CTNND1: variants seen among roughly 807,000 people sequenced by gnomAD.
The protein encoded by CTNND1 is catenin delta 1.
A neutral mutation model predicts 112.1 loss-of-function variants in CTNND1; 16 were observed. The ratio of observed to expected loss-of-function variants is 0.14; its 90% confidence interval spans 0.10 to 0.22. The LOEUF is 0.22. Among genes scored for constraint, CTNND1 ranks in the 10% least tolerant of loss-of-function variants. The probability of loss-of-function intolerance (pLI) is 1.00; values close to 1 mark genes in which losing one functional copy is unlikely to be tolerated. For synonymous variants in CTNND1, 420 were observed against 446.5 expected, an observed-to-expected ratio of 0.94 and a Z score of 0.75; for missense variants, 1,008 against 1,257.0, an observed-to-expected ratio of 0.80 and a Z score of 3.00.
chr11:57,766,718 A>G (rs12146692), intron 1 of CTNND1, among the ~76,000 whole-genome samples: 12,049 of 152,196 alleles, frequency 0.079, 735 homozygotes, highest in Non-Finnish European at 0.11. Flanking sequence ...TAGGGTATGG[A>G]TTGATTTGTA....
intron 3 of CTNND1, 136 bp downstream of exon 3, chr11:57,791,809 G>A (rs1242884672): frequency 4.1e-6 from 4 of 974,346 alleles, no homozygotes; most frequent in Non-Finnish European, 5.7e-6. Context: ...TTTTTTCCAG[G>A]GGTGTTAAAT....
chr11:57,767,941 C>A (rs1442368527), intron 1 of CTNND1, among the ~76,000 whole-genome samples: 1 of 150,906 alleles, frequency 6.6e-6, no homozygotes, highest in East Asian at 1.9e-4. Context: ...TCAAGCAATT[C>A]TCCTGCCTCA....
At chr11:57,798,773 T>C (rs2061662591) in intron 6 of CTNND1, among the ~76,000 whole-genome samples, 1 of 152,234 alleles carries the variant, frequency 6.6e-6, no homozygotes, top group African/African-American at 2.4e-5. Flanking sequence ...GTAGAACTAT[T>C]TTAGGCTTTG....
At chr11:57,781,668 C>T (rs185141323) in intron 1 of CTNND1, 1 of 151,190 alleles carries the variant, frequency 6.6e-6, no homozygotes, top group East Asian at 1.9e-4. Context: ...AGTCTCTTCT[C>T]AGGATTAGAG....
At chr11:57,815,532 A>G in intron 19 of CTNND1, 32 bp downstream of exon 19, 1 of 1,497,046 alleles carries the variant, frequency 6.7e-7, no homozygotes, top group South Asian at 1.1e-5. Context: ...CTATCTGTCT[A>G]AGGCTAGTTC....
rs767815678 is a variant in CTNND1, at chr11:57,791,512, A to G, written c.34A>G (p.Ile12Val). 4 of 1,588,594 alleles carry G rather than the reference A, an allele frequency of 2.5e-6. No homozygotes were observed. Among genetic ancestry groups the G allele is most frequent in the Non-Finnish European group, 3.4e-6 (4 of 1,167,788 alleles). The change falls in exon 3 of 21, where the codon ATC becomes GTC. Residue 12 changes from isoleucine to valine, a missense_variant. Physicochemically the swap from Ile to Val is conservative, Grantham distance 29 (BLOSUM62 3). Around this residue, in one of 5 missense-constraint regions of CTNND1, gnomAD observed 404 missense variants for 457.9 expected, o/e 0.88. Transcript: ENST00000399050. Reference protein sequence around the residue: ...DDSEVESTASILASVKEQEAQ... With the variant: ...DDSEVESTASVLASVKEQEAQ... Reference sequence around the variant, plus strand: ...CTCAGAGGTGGAGTCGACCGCCAGCATCTTGGCCTCTGTGAAGGAACAAGA... The same window carrying G: ...CTCAGAGGTGGAGTCGACCGCCAGCGTCTTGGCCTCTGTGAAGGAACAAGA...
chr11:57,810,244 A>G, intron 16 of CTNND1, 21 bp downstream of exon 16: 3 of 1,551,808 alleles, frequency 1.9e-6, no homozygotes, highest in South Asian at 1.2e-5. Context: ...TTTTGAGACC[A>G]AGACTTTTAC....
chr11:57,765,548 C>A (rs910763979), intron 1 of CTNND1, among the ~76,000 whole-genome samples: 1 of 148,370 alleles, frequency 6.7e-6, no homozygotes, highest in Non-Finnish European at 1.5e-5. Flanking sequence ...CTCACTGCAG[C>A]CTCAAACTCC....
intron 1 of CTNND1, among the ~76,000 whole-genome samples, chr11:57,768,191 T>C (rs1283181873): frequency 6.6e-6 from 1 of 151,934 alleles, no homozygotes; most frequent in African/African-American, 2.4e-5. Context: ...CATTACAGAA[T>C]ATATGGGCTT....
At position 57,815,499 on chromosome 11, in the gene CTNND1, T is replaced by A; in HGVS notation, c.2807T>A (p.Met936Lys). The part of the protein sequence containing the change: ...MEPLKGTTPL[M>K]QDEGQESLEE... ...CCATTGAAGGGAACAACACCCTTGA[T>A]GGTAAATTCTCTTTATATACTGCTA... is the stretch of plus-strand genomic sequence containing the variant. The change falls in exon 19 of 21, where the codon ATG becomes AAG. Residue 936 changes from methionine (M) to lysine (K), a missense_variant and splice_region_variant. By Grantham distance (95) the Met-to-Lys change is moderately conservative. Transcript: ENST00000399050. 2 of 1,605,444 alleles carry A rather than the reference T, an allele frequency of 1.2e-6. No homozygotes were observed. Among genetic ancestry groups the A allele is most frequent in the Non-Finnish European group, 1.7e-6 (2 of 1,173,156 alleles).
chr11:57,792,549 T>C (rs965144958), intron 3 of CTNND1, among the ~76,000 whole-genome samples: 3 of 152,278 alleles, frequency 2.0e-5, no homozygotes, highest in Non-Finnish European at 1.5e-5. Context: ...GTCCTTTTCA[T>C]TGAGTAATTT....
chr11:57,763,977 C>CGAACTA, intron 1 of CTNND1: 1 of 152,328 alleles, frequency 6.6e-6, no homozygotes, highest in Middle Eastern at 3.4e-3. Context: ...GTGTGTAGTA[C>CGAACTA]AGAGCCTTTG....
intron 1 of CTNND1, among the ~76,000 whole-genome samples, chr11:57,768,412 T>A (rs1278589305): frequency 1.8e-4 from 12 of 65,206 alleles, no homozygotes; most frequent in Admixed American, 1.0e-3. Flanking sequence ...TTTTTTTTTT[T>A]AGACAGAGTC....
rs1227581110 is a variant in CTNND1 at position 57,789,296 on chromosome 11, G to A, written c.-95+141G>A. The A allele has an allele frequency of 9.0e-6, 5 of 553,442 alleles. No individual in the cohort carries two copies. The African/African-American group carries it at 9.6e-5, about 11-fold the overall frequency. 34.3% of individuals were successfully genotyped at this position (553,442 alleles called of 1,614,324 possible). ...ATGGGTTGGTGAGAGGGTGGGAATTGGGGAGAATATTTATTTCAAAACCTG... is the reference window on the plus strand; with the variant it reads ...ATGGGTTGGTGAGAGGGTGGGAATTAGGGAGAATATTTATTTCAAAACCTG... On this transcript the variant is annotated intron_variant, in intron 2 of 20. Coordinates refer to ENST00000399050, the MANE Select transcript of CTNND1 (RefSeq NM_001085458.2).
In CTNND1 at chr11:57,795,684, T is replaced by C; in HGVS notation, c.375T>C (p.Ser125=). ...CTGAGGGAGCCATGTCTGTAGTCTCTGTGGAGACCTCAGATGATGGGACCA... is the reference window on the plus strand; with the variant it reads ...CTGAGGGAGCCATGTCTGTAGTCTCCGTGGAGACCTCAGATGATGGGACCA... The part of the protein sequence containing the change: ...EDPEGAMSVV[S]VETSDDGTTR... Residue 125 remains serine, a synonymous_variant, in exon 5 of 21, where the codon TCT becomes TCC. Transcript: ENST00000399050. 6.2e-7 allele frequency: 1 copy of C among 1,609,128 alleles called. No individual in the cohort carries two copies.
At position 57,808,420 on chromosome 11, in the gene CTNND1, C is replaced by A; in HGVS notation, c.2122C>A (p.Gln708Lys). 1 of 1,611,562 alleles carries A rather than the reference C, an allele frequency of 6.2e-7. No homozygotes were observed. Among genetic ancestry groups the A allele is most frequent in the Non-Finnish European group, 8.5e-7 (1 of 1,178,662 alleles). ...YGRYIRSALR[Q>K]EKALSAIADL... The stretch of plus-strand genomic sequence containing the variant: ...TCGATACATCCGCTCTGCTCTGCGT[C>A]AAGAGAAGGCTCTTTCTGCCATAGC... The change falls in exon 14 of 21, where the codon CAA (glutamine) becomes AAA (lysine). Residue 708 changes from glutamine to lysine, a missense_variant. By Grantham distance (53) the Gln-to-Lys change is moderately conservative. Transcript: ENST00000399050.
rs1018076729 is a variant in CTNND1, at chr11:57,818,923, A to C, written c.*2615A>C. ...GTATATAAGTACTGACCACTGGGCC[A>C]TAATGTTGCTTCTCAGGCTATATGC... On this transcript the variant is annotated 3_prime_UTR_variant, in exon 21 of 21. Coordinates refer to ENST00000399050, the MANE Select transcript of CTNND1 (RefSeq NM_001085458.2). 2.0e-5 allele frequency: 3 copies of C among 152,214 alleles called. No homozygotes were observed. The highest frequency in any genetic ancestry group is 4.4e-5 in the Non-Finnish European group (3 of 68,032). 9.4% of individuals were successfully genotyped at this position (152,214 alleles called of 1,614,324 possible). A position where few individuals can be genotyped will look rare whatever the true frequency, so the allele number is the denominator to read the frequency against.
At chr11:57,794,815 A>T (rs2061175649) in intron 4 of CTNND1, among the ~76,000 whole-genome samples, 1 of 148,390 alleles carries the variant, frequency 6.7e-6, no homozygotes, top group Non-Finnish European at 1.5e-5. Context: ...TTTATTTTAG[A>T]CTGGGCACGG....
chr11:57,809,203 G>A (rs2137420311), intron 14 of CTNND1, 71 bp from the exon 15 acceptor site: 1 of 1,093,942 alleles, frequency 9.1e-7, no homozygotes, highest in Non-Finnish European at 1.4e-6. Flanking sequence ...GATTAATGCA[G>A]TTAAGTATAA....
Sources: gnomAD v4.1 joint callset for allele counts (sites outside exome capture counted in the v4.1 genomes callset) on GRCh38, gnomAD v4.1.1 for gene constraint, gnomAD v4.1.1 regional missense constraint, MANE v1.5 for transcripts, NCBI Gene and HGNC (gene_info 2026-07-23, HGNC 2026-07-21) for gene names.